The following NBAS variants were observed in gnomAD, a reference collection of about 807,000 sequenced individuals.
The protein encoded by NBAS is NAG/BC035112 fusion.
A neutral mutation model predicts 302.5 loss-of-function variants in NBAS; 219 were observed. The ratio of observed to expected loss-of-function variants is 0.72; its 90% CI spans 0.65 to 0.81. The LOEUF is 0.81. NBAS is among the 30% of genes least tolerant of loss of function. The pLI, the probability that NBAS is intolerant of heterozygous loss-of-function variation, is 0.00. For missense variants in NBAS, 2,932 were observed against 2,841.6 expected, an observed-to-expected ratio of 1.03 and a Z score of -0.72; for synonymous variants, 1,118 against 1,021.6, an observed-to-expected ratio of 1.09 and a Z score of -1.80.
At chr2:15,204,795 T>C (rs1019874928) in intron 48 of NBAS, among the ~76,000 whole-genome samples, 5 of 151,878 alleles carry the variant, frequency 3.3e-5, no homozygotes, top group Non-Finnish European at 1.5e-5. Context: ...CACTCATAGG[T>C]GGGAATTGAA....
the NBAS span, among the ~76,000 whole-genome samples, chr2:14,889,583 T>G: frequency 1.4e-4 from 22 of 152,166 alleles, no homozygotes; most frequent in Non-Finnish European, 2.9e-4. Flanking sequence ...CTCTCCACAT[T>G]CCTACCATAC....
intron 48 of NBAS, among the ~76,000 whole-genome samples, chr2:15,217,317 TGA>T: frequency 6.6e-6 from 1 of 152,372 alleles, no homozygotes; most frequent in Non-Finnish European, 1.5e-5. Flanking sequence ...CTATCTTTTT[TGA>T]ATCTCAATTT....
intron 48 of NBAS, among the ~76,000 whole-genome samples, chr2:15,208,655 C>G (rs1446715189): frequency 6.6e-6 from 1 of 151,746 alleles, no homozygotes; most frequent in East Asian, 1.9e-4. Flanking sequence ...TTATAGGTCA[C>G]AAAACAAGTC....
At chr2:15,366,103 C>G (rs1674183296) in intron 32 of NBAS, among the ~76,000 whole-genome samples, 1 of 152,138 alleles carries the variant, frequency 6.6e-6, no homozygotes, top group South Asian at 2.1e-4. Context: ...ATGAAAACCC[C>G]ACCAAATAGT....
At chr2:15,334,048 T>C (rs987049259) in intron 35 of NBAS, among the ~76,000 whole-genome samples, 1 of 152,086 alleles carries the variant, frequency 6.6e-6, no homozygotes, top group African/African-American at 2.4e-5. Context: ...CATACAAGCA[T>C]CCCTAAATTT....
chr2:15,450,020 T>C (rs962699750), intron 21 of NBAS, among the ~76,000 whole-genome samples: 3 of 152,184 alleles, frequency 2.0e-5, no homozygotes, highest in Non-Finnish European at 4.4e-5. Context: ...GTAAATGCAA[T>C]GCCCTAATCT....
chr2:15,016,983 C>CA, the NBAS span, among the ~76,000 whole-genome samples: 1 of 152,092 alleles, frequency 6.6e-6, no homozygotes, highest in African/African-American at 2.4e-5. Flanking sequence ...TTTTGTGTTA[C>CA]AAACAATCCA....
At chr2:15,501,039 C>T (rs976278689) in intron 11 of NBAS, among the ~76,000 whole-genome samples, 2 of 152,112 alleles carry the variant, frequency 1.3e-5, no homozygotes, top group African/African-American at 4.8e-5. Context: ...TGGTGGCTCA[C>T]GCCTGTAATC....
the NBAS span, among the ~76,000 whole-genome samples, chr2:15,141,661 C>A: frequency 6.7e-6 from 1 of 150,244 alleles, no homozygotes; most frequent in African/African-American, 2.5e-5. Context: ...GAACATATTG[C>A]TCATTTTCAG....
In NBAS at chr2:15,379,599, T is replaced by C; in HGVS notation, c.3590+3A>G. On this transcript the variant is annotated splice_donor_region_variant and intron_variant, in intron 30 of 51. Coordinates refer to ENST00000281513, the MANE Select transcript of NBAS (RefSeq NM_015909.4). ...CTTAGGGAAGAATATAGAGTTATTCTACCTGGCTAGATCCATGCAGCTATC... is the reference window on the plus strand; with the variant it reads ...CTTAGGGAAGAATATAGAGTTATTCCACCTGGCTAGATCCATGCAGCTATC... 1.2e-6 allele frequency: 2 copies of C among 1,613,348 alleles called. No homozygotes were observed. The highest frequency in any genetic ancestry group is 1.7e-6 in the Non-Finnish European group (2 of 1,179,476).
intron 13 of NBAS, among the ~76,000 whole-genome samples, chr2:15,476,476 A>T (rs928184785): frequency 2.6e-5 from 4 of 152,156 alleles, no homozygotes; most frequent in Non-Finnish European, 5.9e-5. Flanking sequence ...TAATCCCAGC[A>T]CTTTGGGAGG....
chr2:15,009,613 C>G, the NBAS span, among the ~76,000 whole-genome samples: 12 of 143,650 alleles, frequency 8.4e-5, no homozygotes, highest in Non-Finnish European at 1.5e-4. Context: ...TACACACACA[C>G]ACACACACAC....
chr2:14,884,363 TAG>T, the NBAS span, among the ~76,000 whole-genome samples: 1 of 152,086 alleles, frequency 6.6e-6, no homozygotes, highest in African/African-American at 2.4e-5. Context: ...CAGTCTGCAG[TAG>T]AGAGAGGAGC....
intron 51 of NBAS, among the ~76,000 whole-genome samples, chr2:15,171,728 G>C (rs1290552947): frequency 1.3e-5 from 2 of 152,146 alleles, no homozygotes; most frequent in Non-Finnish European, 2.9e-5. Context: ...TTTACAGACA[G>C]GGACTTTAAA....
chr2:15,169,174 C>T (rs745901490), intron 51 of NBAS, among the ~76,000 whole-genome samples: 14 of 152,180 alleles, frequency 9.2e-5, no homozygotes, highest in South Asian at 6.2e-4. Context: ...TGCAAACCCT[C>T]AGTGTCTTTT....
chr2:14,933,971 T>C, the NBAS span, among the ~76,000 whole-genome samples: 1 of 152,112 alleles, frequency 6.6e-6, no homozygotes, highest in Non-Finnish European at 1.5e-5. Context: ...TTGTTGCATA[T>C]AAAAACAAAG....
At chr2:14,895,703 G>A in the NBAS span, among the ~76,000 whole-genome samples, 1 of 149,490 alleles carries the variant, frequency 6.7e-6, no homozygotes. Context: ...TCGCGCCACC[G>A]CACTCCAGCC....
chr2:15,408,390 T>A (rs1229069479), intron 25 of NBAS, among the ~76,000 whole-genome samples: 2 of 152,214 alleles, frequency 1.3e-5, no homozygotes, highest in African/African-American at 4.8e-5. Flanking sequence ...ACTTTTTCAT[T>A]ATTATTAATT....
At chr2:14,994,752 G>A in the NBAS span, among the ~76,000 whole-genome samples, 2 of 152,158 alleles carry the variant, frequency 1.3e-5, no homozygotes, top group African/African-American at 4.8e-5. Context: ...TGGATTGTGG[G>A]CTCTGCCAGG....
Sources: allele counts gnomAD v4.1 joint callset (sites outside exome capture counted in the v4.1 genomes callset), GRCh38; gene constraint gnomAD v4.1.1; transcripts MANE v1.5; gene names NCBI Gene and HGNC (gene_info 2026-07-23, HGNC 2026-07-21).